Variants in PACS1 observed in about 807,000 individuals in gnomAD.
PACS1 encodes phosphofurin acidic cluster sorting protein 1.
PACS1 carries 24 observed loss-of-function variants against 115.0 expected under a neutral mutation model. The ratio of observed to expected loss-of-function variants is 0.21; its 90% CI spans 0.15 to 0.29. PACS1 has a LOEUF of 0.29. Ranked by LOEUF, PACS1 falls within the 10% of genes least tolerant of loss-of-function variation. The probability of loss-of-function intolerance (pLI) is 1.00; values close to 1 mark genes in which losing one functional copy is unlikely to be tolerated. For missense variants in PACS1, 838 were observed against 1,251.2 expected, an observed-to-expected ratio of 0.67 and a Z score of 4.98; for synonymous variants, 453 against 504.5, an observed-to-expected ratio of 0.90 and a Z score of 1.37.
intron 9 of PACS1, 114 bp from the exon 10 acceptor site, chr11:66,221,040 G>A (rs1187484173): frequency 1.9e-5 from 20 of 1,043,140 alleles, no homozygotes; most frequent in Middle Eastern, 2.0e-4. Flanking sequence ...CTCACCGGGC[G>A]TTCTGGACAC....
chr11:66,091,393 G>C (rs1014775911), intron 1 of PACS1, among the ~76,000 whole-genome samples: 1 of 151,790 alleles, frequency 6.6e-6, no homozygotes, highest in South Asian at 2.1e-4. Context: ...CACCCACCTC[G>C]GCCTCCCAAA....
intron 2 of PACS1, among the ~76,000 whole-genome samples, 169 bp from the exon 3 acceptor site, chr11:66,210,193 C>T (rs1232972703): frequency 6.6e-6 from 1 of 151,812 alleles, no homozygotes; most frequent in Admixed American, 6.6e-5. Flanking sequence ...CCACCACACC[C>T]AGCCAATTTT....
At chr11:66,095,974 G>A (rs1478440452) in intron 1 of PACS1, among the ~76,000 whole-genome samples, 2 of 150,220 alleles carry the variant, frequency 1.3e-5, no homozygotes, top group Non-Finnish European at 1.5e-5. Flanking sequence ...TCACTCTGTT[G>A]CCCAGGCTGA....
intron 1 of PACS1, among the ~76,000 whole-genome samples, chr11:66,112,532 C>A (rs529328917): frequency 6.6e-6 from 1 of 152,280 alleles, no homozygotes; most frequent in Non-Finnish European, 1.5e-5. Flanking sequence ...CTATTACATA[C>A]CTTATCCGAC....
chr11:66,096,266 G>A (rs1480231095), intron 1 of PACS1, among the ~76,000 whole-genome samples: 1 of 145,046 alleles, frequency 6.9e-6, no homozygotes, highest in Non-Finnish European at 1.5e-5. Context: ...CACCAAGGCT[G>A]GAGTACAGTG....
At position 66,106,201 on chromosome 11, in the gene PACS1, G is replaced by T. The variant is rs141954106; in HGVS notation, c.356+35359G>T. Among the ~76,000 whole-genome samples, 300 of 152,224 alleles carry T rather than the reference G, an allele frequency of 2.0e-3. 1 individual carries two copies. Among genetic ancestry groups the T allele is most frequent in the African/African-American group, 7.0e-3 (292 of 41,548 alleles). ...TCCCAGCACTTTGGGAGGCTGAGGCGGAAGGAGCACATGAGCCCAGGAGTT... is the reference window on the plus strand; with the variant it reads ...TCCCAGCACTTTGGGAGGCTGAGGCTGAAGGAGCACATGAGCCCAGGAGTT... On this transcript the variant is annotated intron_variant, in intron 1 of 23. Coordinates refer to ENST00000320580, the MANE Select transcript of PACS1 (RefSeq NM_018026.4).
At chr11:66,162,327 G>A (rs1859509033) in intron 1 of PACS1, among the ~76,000 whole-genome samples, 1 of 151,948 alleles carries the variant, frequency 6.6e-6, no homozygotes, top group African/African-American at 2.4e-5. Flanking sequence ...TCTCCATGTT[G>A]ACCAGGCTGG....
intron 1 of PACS1, among the ~76,000 whole-genome samples, chr11:66,129,000 A>G (rs1858641906): frequency 1.3e-5 from 2 of 152,106 alleles, no homozygotes; most frequent in South Asian, 2.1e-4. Flanking sequence ...TTTTGGGGTG[A>G]TGGGAATGAT....
Position 66,239,329 on chromosome 11 carries a change from G to A in PACS1, c.2429+52G>A, listed in dbSNP as rs370121030. ...GCCATGCCCTCCATCAGGCCCACCC[G>A]GCTGATTCCAGTGACAGGCGCATGG... On this transcript the variant is annotated intron_variant, in intron 21 of 23. Coordinates refer to ENST00000320580, the MANE Select transcript of PACS1 (RefSeq NM_018026.4). 8.9e-5 allele frequency: 140 copies of A among 1,567,432 alleles called. No individual in the cohort carries two copies. In the African/African-American group the frequency reaches 1.3e-3, roughly 14 times the overall value.
chr11:66,129,455 A>ATATTATTAT lies in PACS1; in HGVS notation c.356+58640_356+58648dup, dbSNP rs71455707. On this transcript the variant is annotated intron_variant, in intron 1 of 23. Coordinates refer to ENST00000320580, the MANE Select transcript of PACS1 (RefSeq NM_018026.4). ...TCAAAAAAAAAAAAGGGTTTAAAAA[A>ATATTATTAT]TATTATTATTATTATTATTATTATT... 8.2e-3 allele frequency among the ~76,000 whole-genome samples: 1,156 copies of ATATTATTAT among 140,364 alleles called. 5 individuals carry two copies. Among genetic ancestry groups the ATATTATTAT allele is most frequent in the Admixed American group, 0.012 (169 of 13,670 alleles). 92.1% of individuals were successfully genotyped at this position (140,364 alleles called of 152,430 possible).
At chr11:66,178,054 A>G (rs968222257) in intron 1 of PACS1, among the ~76,000 whole-genome samples, 1 of 148,078 alleles carries the variant, frequency 6.8e-6, no homozygotes, top group East Asian at 2.0e-4. Flanking sequence ...ATATCTAGTT[A>G]TATTAAATAT....
intron 1 of PACS1, among the ~76,000 whole-genome samples, chr11:66,125,663 A>T (rs1858554399): frequency 1.3e-5 from 2 of 152,208 alleles, no homozygotes; most frequent in South Asian, 2.1e-4. Flanking sequence ...CCAGTGTCTA[A>T]CTATGCCTGT....
chr11:66,215,340 C>T (rs1398451333), intron 4 of PACS1, among the ~76,000 whole-genome samples: 1 of 151,986 alleles, frequency 6.6e-6, no homozygotes, highest in Non-Finnish European at 1.5e-5. Flanking sequence ...CAGTGGCTCA[C>T]GCCTGTAATC....
intron 1 of PACS1, among the ~76,000 whole-genome samples, chr11:66,166,450 T>TA (rs1565131120): frequency 5.3e-5 from 8 of 151,138 alleles, no homozygotes; most frequent in African/African-American, 2.0e-4. Flanking sequence ...CACAGCCTGA[T>TA]GTCACATCTT....
At chr11:66,195,392 G>T (rs188927976) in intron 2 of PACS1, among the ~76,000 whole-genome samples, 1 of 152,176 alleles carries the variant, frequency 6.6e-6, no homozygotes, top group African/African-American at 2.4e-5. Flanking sequence ...TTAGTGTCTT[G>T]TCCTCCTCTC....
intron 1 of PACS1, among the ~76,000 whole-genome samples, chr11:66,090,642 T>C (rs1190394683): frequency 6.6e-6 from 1 of 152,192 alleles, no homozygotes; most frequent in Non-Finnish European, 1.5e-5. Flanking sequence ...TTGGGATTCC[T>C]GTGTCTTAAT....
intron 1 of PACS1, among the ~76,000 whole-genome samples, chr11:66,106,077 C>G (rs1329918988): frequency 6.6e-6 from 1 of 152,140 alleles, no homozygotes; most frequent in Non-Finnish European, 1.5e-5. Flanking sequence ...CTAGAAGATG[C>G]AAGTCATTTG....
In PACS1 at chr11:66,235,550, C is replaced by T; in HGVS notation, c.2207+147C>T. ...AGGATATGAGTGGTTTTTACCACCACCTCCCCAGCACTCCTTCCTTGCCCA... is the reference window on the plus strand; with the variant it reads ...AGGATATGAGTGGTTTTTACCACCATCTCCCCAGCACTCCTTCCTTGCCCA... On this transcript the variant is annotated intron_variant, in intron 18 of 23. Transcript: ENST00000320580. This position sits in a 1 kb window ranked among gnomAD's most constrained non-coding sequence, Gnocchi z 5.6. 1.5e-6 allele frequency: 1 copy of T among 649,696 alleles called. No homozygotes were observed. The highest frequency in any genetic ancestry group is 1.9e-5 in the South Asian group (1 of 52,900). 40.2% of individuals were successfully genotyped at this position (649,696 alleles called of 1,614,324 possible).
intron 1 of PACS1, among the ~76,000 whole-genome samples, chr11:66,074,095 A>G (rs967990083): frequency 3.3e-5 from 5 of 151,942 alleles, no homozygotes; most frequent in African/African-American, 1.2e-4. Flanking sequence ...CAAAATGATT[A>G]ATATATGTCC....
Sources: allele counts gnomAD v4.1 joint callset (sites outside exome capture counted in the v4.1 genomes callset), GRCh38; gene constraint gnomAD v4.1.1; non-coding constraint Gnocchi (gnomAD v3.1); transcripts MANE v1.5; gene names NCBI Gene and HGNC (gene_info 2026-07-23, HGNC 2026-07-21).